CAPRIN2: variants seen among roughly 807,000 people sequenced by gnomAD.
CAPRIN2 encodes caprin family member 2.
In CAPRIN2, 66 loss-of-function variants were observed where a neutral mutation model predicts 130.4. The ratio of observed to expected loss-of-function variants is 0.51; its 90% confidence interval spans 0.42 to 0.62. The LOEUF is 0.62. Among genes scored for constraint, CAPRIN2 ranks in the 20% least tolerant of loss-of-function variants. CAPRIN2 has a pLI of 0.00. For missense variants in CAPRIN2, 1,185 were observed against 1,246.6 expected, an observed-to-expected ratio of 0.95 and a Z score of 0.74; for synonymous variants, 471 against 444.1, an observed-to-expected ratio of 1.06 and a Z score of -0.76.
exon 7 of CAPRIN2, chr12:30,730,279 G>T: frequency 6.2e-7 from 1 of 1,606,670 alleles, no homozygotes; most frequent in Non-Finnish European, 8.5e-7. Flanking sequence ...TTCCATTAGA[G>T]ACTCTGGGAT....
At chr12:30,729,351 G>T in intron 7 of CAPRIN2, 26 bp from the exon 9 acceptor site, 1 of 1,497,362 alleles carries the variant, frequency 6.7e-7, no homozygotes, top group Non-Finnish European at 9.0e-7. Flanking sequence ...ATGCACTTAA[G>T]TCACAAAATT....
At chr12:30,745,396 T>G (rs758474080) in intron 2 of CAPRIN2, among the ~76,000 whole-genome samples, 2 of 152,192 alleles carry the variant, frequency 1.3e-5, no homozygotes, top group Non-Finnish European at 2.9e-5. Context: ...CATTAGACAT[T>G]CTTTTTACTA....
chr12:30,725,395 C>T (rs1053746181), intron 9 of CAPRIN2, among the ~76,000 whole-genome samples: 1 of 152,160 alleles, frequency 6.6e-6, no homozygotes, highest in Non-Finnish European at 1.5e-5. Flanking sequence ...TAAACCCAGG[C>T]CCATATTCAA....
chr12:30,716,617 AGG>A lies in CAPRIN2; in HGVS notation c.2206_2207del (p.Pro736LeufsTer42). On this transcript the variant is annotated frameshift_variant, in exon 13 of 17. Coordinates refer to ENST00000298892, the Ensembl canonical transcript of CAPRIN2. LOFTEE classifies it high-confidence loss of function. Reference sequence around the variant, plus strand: ...AACTTTGATTGTAGCCAGGTGAATAAGGGGATTCTTTTATTTCTTGTTCTTTT... The same window carrying A: ...AACTTTGATTGTAGCCAGGTGAATAAGGATTCTTTTATTTCTTGTTCTTTT... 1 of 1,613,982 alleles carries A rather than the reference AGG, an allele frequency of 6.2e-7. No individual in the cohort carries two copies. The highest frequency in any genetic ancestry group is 8.5e-7 in the Non-Finnish European group (1 of 1,179,896).
intron 6 of CAPRIN2, 97 bp downstream of exon 7, chr12:30,731,246 A>C: frequency 2.2e-6 from 2 of 892,178 alleles, no homozygotes; most frequent in Non-Finnish European, 3.4e-6. Flanking sequence ...TGTAGAACCT[A>C]ACAAATTAAA....
exon 17 of CAPRIN2, chr12:30,709,687 G>A (rs983199926): frequency 1.2e-5 from 6 of 508,026 alleles, no homozygotes; most frequent in Middle Eastern, 1.0e-3. Flanking sequence ...CTTGACTAGC[G>A]AGGCTACATC....
intron 1 of CAPRIN2, among the ~76,000 whole-genome samples, chr12:30,752,724 G>C (rs1475724661): frequency 3.3e-5 from 5 of 152,158 alleles, no homozygotes; most frequent in Non-Finnish European, 7.3e-5. Flanking sequence ...CTGTCCAAAA[G>C]CAGAAGAGAA....
chr12:30,728,800 T>G, exon 8 of CAPRIN2: 1 of 1,614,022 alleles, frequency 6.2e-7, no homozygotes. Flanking sequence ...GATTTTGGAG[T>G]CTCTGGCTGT....
intron 12 of CAPRIN2, among the ~76,000 whole-genome samples, chr12:30,716,981 T>C (rs1052683176): frequency 4.6e-5 from 7 of 152,198 alleles, no homozygotes; most frequent in Admixed American, 3.9e-4. Context: ...CCCTCATGCA[T>C]TGCCGGTGGG....
chr12:30,730,837 C>T (rs2062446249), intron 6 of CAPRIN2, among the ~76,000 whole-genome samples: 1 of 152,296 alleles, frequency 6.6e-6, no homozygotes, highest in South Asian at 2.1e-4. Context: ...TTTAATAAAT[C>T]CAACTTTGGT....
At chr12:30,724,428 T>C in exon 10 of CAPRIN2, 1 of 1,612,318 alleles carries the variant, frequency 6.2e-7, no homozygotes, top group African/African-American at 1.3e-5. Context: ...CACTTGAAGG[T>C]TTGTCAAAGT....
chr12:30,740,142 A>G (rs1053161474), intron 3 of CAPRIN2, among the ~76,000 whole-genome samples: 3 of 152,138 alleles, frequency 2.0e-5, no homozygotes, highest in African/African-American at 7.2e-5. Flanking sequence ...GACTGCTCAC[A>G]CCTGTAATCC....
At chr12:30,752,655 T>A (rs1400193961) in intron 1 of CAPRIN2, among the ~76,000 whole-genome samples, 1 of 150,832 alleles carries the variant, frequency 6.6e-6, no homozygotes, top group Non-Finnish European at 1.5e-5. Flanking sequence ...AAGGTCTAAC[T>A]AGGTCTTGGC....
At chr12:30,724,273 A>G in intron 10 of CAPRIN2, 97 bp downstream of exon 11, 3 of 772,914 alleles carry the variant, frequency 3.9e-6, no homozygotes. Flanking sequence ...ACACCAACAT[A>G]TTAGGACATC....
chr12:30,718,374 T>A (rs2058338509), intron 12 of CAPRIN2, among the ~76,000 whole-genome samples: 1 of 152,132 alleles, frequency 6.6e-6, no homozygotes, highest in South Asian at 2.1e-4. Flanking sequence ...GTGCCTGCTT[T>A]CCATGCTACT....
At chr12:30,720,594 G>T in intron 12 of CAPRIN2, 1 of 372,534 alleles carries the variant, frequency 2.7e-6, no homozygotes, top group Non-Finnish European at 4.9e-6. Context: ...GACATTTATT[G>T]CACTAGATAA....
At chr12:30,712,952 G>A (rs2055713511) in intron 15 of CAPRIN2, among the ~76,000 whole-genome samples, 1 of 151,974 alleles carries the variant, frequency 6.6e-6, no homozygotes, top group East Asian at 1.9e-4. Context: ...TTGGTGGTCA[G>A]GCTGGTCTCG....
intron 12 of CAPRIN2, among the ~76,000 whole-genome samples, chr12:30,718,230 T>C (rs2058275755): frequency 6.6e-6 from 1 of 152,196 alleles, no homozygotes; most frequent in Admixed American, 6.5e-5. Context: ...AAAACCAATG[T>C]GGCTATACTG....
chr12:30,742,202 G>A (rs1386363612), intron 2 of CAPRIN2, among the ~76,000 whole-genome samples: 2 of 152,160 alleles, frequency 1.3e-5, no homozygotes, highest in East Asian at 1.9e-4. Flanking sequence ...ACAAATGTAC[G>A]CTTAGAATGG....
Sources: gnomAD v4.1 joint callset for allele counts (sites outside exome capture counted in the v4.1 genomes callset) on GRCh38, gnomAD v4.1.1 for gene constraint, MANE v1.5 for transcripts, NCBI Gene and HGNC (gene_info 2026-07-23, HGNC 2026-07-21) for gene names.